Variants in PLD1 observed in about 807,000 individuals in gnomAD.
PLD1 encodes phospholipase D1, also known as choline phosphatase 1.
Under a neutral mutation model 137.1 loss-of-function variants are expected in PLD1, and 112 were observed. The ratio of observed to expected loss-of-function variants is 0.82; its 90% confidence interval spans 0.70 to 0.96. The LOEUF (loss-of-function observed/expected upper bound fraction) is 0.96, where lower values mean the gene tolerates loss of function less well. Ranked by LOEUF, PLD1 falls within the 40% of genes least tolerant of loss-of-function variation. The pLI is 0.00. For missense variants in PLD1, 1,321 were observed against 1,342.0 expected (o/e 0.98, Z 0.24); for synonymous variants, 431 against 454.7 (o/e 0.95, Z 0.66).
chr3:171,772,640 C>T (rs1044711611), intron 1 of PLD1, among the ~76,000 whole-genome samples: 1 of 152,150 alleles, frequency 6.6e-6, no homozygotes, highest in Non-Finnish European at 1.5e-5. Flanking sequence ...GGAGCTAGTA[C>T]CCCACCTGCT....
At chr3:171,746,868 G>C (rs750632905) in intron 1 of PLD1, among the ~76,000 whole-genome samples, 5 of 152,194 alleles carry the variant, frequency 3.3e-5, no homozygotes, top group Admixed American at 2.6e-4. Flanking sequence ...ACCAGCTGGG[G>C]CCCCCTTCAA....
At chr3:171,797,866 G>T (rs1723492829) in intron 1 of PLD1, among the ~76,000 whole-genome samples, 2 of 151,978 alleles carry the variant, frequency 1.3e-5, no homozygotes, top group African/African-American at 2.4e-5. Flanking sequence ...TCAATCTTTA[G>T]AATTTTTTAG....
At chr3:171,671,982 C>T (rs1712815114) in intron 19 of PLD1, among the ~76,000 whole-genome samples, 1 of 151,608 alleles carries the variant, frequency 6.6e-6, no homozygotes, top group South Asian at 2.1e-4. Flanking sequence ...AGGTGTAGCC[C>T]CCACCCCGCC....
chr3:171,686,856 G>C lies in PLD1; in HGVS notation c.1754-58C>G, dbSNP rs890159669. 5 of 851,470 alleles carry C rather than the reference G, an allele frequency of 5.9e-6. No individual in the cohort carries two copies. The African/African-American group carries it at 7.0e-5, about 12-fold the overall frequency. 52.7% of individuals were successfully genotyped at this position (851,470 alleles called of 1,614,324 possible). On this transcript the variant is annotated intron_variant, in intron 15 of 26. Transcript: ENST00000351298. ...TACAAATATCAAATTTTCTAAACTG[G>C]AAAGCAAAGCTGATCATTTTTAAAA...
At chr3:171,702,196 A>C (rs1014162761) in intron 11 of PLD1, among the ~76,000 whole-genome samples, 2 of 152,158 alleles carry the variant, frequency 1.3e-5, no homozygotes, top group African/African-American at 4.8e-5. Context: ...AATAAATGAC[A>C]AAAAAATGAT....
At chr3:171,802,503 C>T (rs1384727209) in intron 1 of PLD1, among the ~76,000 whole-genome samples, 1 of 152,072 alleles carries the variant, frequency 6.6e-6, no homozygotes, top group Non-Finnish European at 1.5e-5. Flanking sequence ...AAGTGTGCTC[C>T]AGGCAGAGGG....
intron 1 of PLD1, among the ~76,000 whole-genome samples, chr3:171,750,355 A>C (rs1720567780): frequency 1.3e-5 from 2 of 152,224 alleles, no homozygotes; most frequent in South Asian, 2.1e-4. Flanking sequence ...AGGGGAAAAA[A>C]GATTTTTAAA....
At chr3:171,671,477 T>C (rs1172413889) in intron 19 of PLD1, among the ~76,000 whole-genome samples, 3 of 152,202 alleles carry the variant, frequency 2.0e-5, no homozygotes, top group African/African-American at 7.2e-5. Flanking sequence ...CTCCTATTTG[T>C]TCCTTCTCTT....
chr3:171,607,696 T>C (rs994797017), intron 25 of PLD1, among the ~76,000 whole-genome samples: 8 of 152,174 alleles, frequency 5.3e-5, no homozygotes, highest in African/African-American at 1.9e-4. Flanking sequence ...CAAAAAATTA[T>C]TTCTGTTCTT....
At chr3:171,677,941 G>T (rs1713557978) in intron 16 of PLD1, 1 of 308,378 alleles carries the variant, frequency 3.2e-6, no homozygotes, top group Non-Finnish European at 6.0e-6. Context: ...GACCTTCTCA[G>T]GCAGTTGAGT....
At chr3:171,723,964 G>T (rs1412054897) in intron 8 of PLD1, among the ~76,000 whole-genome samples, 1 of 152,004 alleles carries the variant, frequency 6.6e-6, no homozygotes. Flanking sequence ...AACTTGATGT[G>T]ATTTATTCCT....
chr3:171,665,917 T>G (rs1712089299), intron 19 of PLD1, among the ~76,000 whole-genome samples: 1 of 152,196 alleles, frequency 6.6e-6, no homozygotes, highest in Non-Finnish European at 1.5e-5. Context: ...TCATCATTTG[T>G]GGCTAAACTT....
At position 171,687,475 on chromosome 3, in the gene PLD1, C is replaced by T; in HGVS notation, c.1649G>A (p.Gly550Glu). 6.2e-7 allele frequency: 1 copy of T among 1,614,060 alleles called. No homozygotes were observed. The highest frequency in any genetic ancestry group is 2.2e-5 in the East Asian group (1 of 44,882). ...SIDDVDSKLK[G>E]IGKPRKFSKF... Reference sequence around the variant, plus strand: ...GGAGAACTTTCTTGGCTTTCCTATTCCTTTCAGTTTTGAATCCACATCATC... The same window carrying T: ...GGAGAACTTTCTTGGCTTTCCTATTTCTTTCAGTTTTGAATCCACATCATC... The change falls in exon 15 of 27, where the codon GGA (glycine) becomes GAA (glutamate). Residue 550 changes from glycine (G) to glutamate (E), a missense_variant. Transcript: ENST00000351298.
intron 9 of PLD1, among the ~76,000 whole-genome samples, chr3:171,711,240 G>A (rs1157287008): frequency 4.4e-5 from 6 of 137,536 alleles, no homozygotes; most frequent in Admixed American, 2.5e-4. Context: ...GCTCAATCTC[G>A]GCTCACTCCA....
At chr3:171,672,435 G>A (rs887453886) in intron 19 of PLD1, among the ~76,000 whole-genome samples, 2 of 152,004 alleles carry the variant, frequency 1.3e-5, no homozygotes, top group East Asian at 3.9e-4. Flanking sequence ...AACATGTGAG[G>A]GATTAACATA....
chr3:171,713,880 T>A lies in PLD1; in HGVS notation c.911+13A>T. 1 of 1,596,882 alleles carries A rather than the reference T, an allele frequency of 6.3e-7. No homozygotes were observed. Among genetic ancestry groups the A allele is most frequent in the Non-Finnish European group, 8.6e-7 (1 of 1,169,564 alleles). ...TTTTGTAGAAATCTTTTTTAAATAT[T>A]TGAAATGTGTACCTTGAAAGATTAT... On this transcript the variant is annotated intron_variant, in intron 9 of 26. Coordinates refer to ENST00000351298, the MANE Select transcript of PLD1 (RefSeq NM_002662.5).
chr3:171,663,748 G>A (rs1410138210), intron 19 of PLD1, among the ~76,000 whole-genome samples: 1 of 152,150 alleles, frequency 6.6e-6, no homozygotes, highest in Non-Finnish European at 1.5e-5. Context: ...ACACACAGAA[G>A]AATTAGTATA....
chr3:171,792,408 G>A (rs1173771279), intron 1 of PLD1: 1 of 360,450 alleles, frequency 2.8e-6, no homozygotes, highest in Non-Finnish European at 5.5e-6. Context: ...GGCCCCAAAT[G>A]AGATTCTTAT....
At chr3:171,798,937 C>T (rs1723533759) in intron 1 of PLD1, among the ~76,000 whole-genome samples, 1 of 152,206 alleles carries the variant, frequency 6.6e-6, no homozygotes, top group African/African-American at 2.4e-5. Flanking sequence ...GGGTAGCCTA[C>T]CGCACACTAA....
Sources: allele counts gnomAD v4.1 joint callset (sites outside exome capture counted in the v4.1 genomes callset), GRCh38; gene constraint gnomAD v4.1.1; transcripts MANE v1.5; gene names NCBI Gene and HGNC (gene_info 2026-07-23, HGNC 2026-07-21).